The following TTC28 variants were observed in gnomAD, a reference collection of about 807,000 sequenced individuals.
TTC28 encodes the protein tetratricopeptide repeat protein 28.
TTC28 carries 61 observed loss-of-function variants against 198.0 expected under a neutral mutation model. That is an observed-to-expected ratio of 0.31 (90% CI 0.25 to 0.38). The LOEUF is 0.38. Among genes scored for constraint, TTC28 ranks in the 10% least tolerant of loss-of-function variants. The pLI is 1.00. For missense variants in TTC28, 2,678 were observed against 3,164.0 expected, an observed-to-expected ratio of 0.85 and a Z score of 3.69; for synonymous variants, 1,171 against 1,297.8, an observed-to-expected ratio of 0.90 and a Z score of 2.10.
chr22:28,460,542 GTA>G (rs41564112), intron 2 of TTC28, among the ~76,000 whole-genome samples: 14 of 149,402 alleles, frequency 9.4e-5, no homozygotes, highest in Non-Finnish European at 1.9e-4. Context: ...TATCTAATAT[GTA>G]TATATATATA....
At chr22:28,638,111 C>A (rs186941496) in intron 1 of TTC28, among the ~76,000 whole-genome samples, 168 of 152,230 alleles carry the variant, frequency 1.1e-3, no homozygotes, top group African/African-American at 3.8e-3. Context: ...ATAGTGGGAA[C>A]TTCAATATGC....
At chr22:28,627,730 G>A (rs908973963) in intron 2 of TTC28, among the ~76,000 whole-genome samples, 1 of 151,862 alleles carries the variant, frequency 6.6e-6, no homozygotes, top group Admixed American at 6.6e-5. Flanking sequence ...ACCGTGCCCA[G>A]CCCATATACA....
chr22:28,347,828 G>T (rs555926893), intron 2 of TTC28, among the ~76,000 whole-genome samples: 1 of 152,332 alleles, frequency 6.6e-6, no homozygotes, highest in South Asian at 2.1e-4. Context: ...ACAGTGAGCC[G>T]AGATCGTGCC....
chr22:28,016,920 T>C (rs742547), intron 13 of TTC28, among the ~76,000 whole-genome samples: 1 of 152,024 alleles, frequency 6.6e-6, no homozygotes, highest in South Asian at 2.1e-4. Flanking sequence ...CTGGGCAGGG[T>C]ACCCCTACTG....
At chr22:28,089,971 G>A (rs1447151781) in intron 12 of TTC28, among the ~76,000 whole-genome samples, 5 of 151,896 alleles carry the variant, frequency 3.3e-5, no homozygotes, top group African/African-American at 4.8e-5. Flanking sequence ...TTGTGGGGTG[G>A]TGGGAGGGGA....
chr22:28,068,615 G>A (rs1248122552), intron 12 of TTC28, among the ~76,000 whole-genome samples: 1 of 152,126 alleles, frequency 6.6e-6, no homozygotes, highest in Non-Finnish European at 1.5e-5. Flanking sequence ...ACAGATCCAA[G>A]TCTGTTTCAA....
chr22:28,055,504 TAGA>T (rs1421957432), intron 12 of TTC28, among the ~76,000 whole-genome samples: 6 of 152,086 alleles, frequency 3.9e-5, no homozygotes, highest in African/African-American at 9.7e-5. Flanking sequence ...TTTAGATGAA[TAGA>T]AGAAAAGAAG....
At chr22:28,102,690 A>G (rs1942188579) in intron 8 of TTC28, among the ~76,000 whole-genome samples, 1 of 152,192 alleles carries the variant, frequency 6.6e-6, no homozygotes, top group South Asian at 2.1e-4. Context: ...GGCCTGTGCA[A>G]TTTCAGGCTT....
At chr22:28,369,712 T>C (rs147070367) in intron 2 of TTC28, among the ~76,000 whole-genome samples, 151 of 152,276 alleles carry the variant, frequency 9.9e-4, no homozygotes, top group African/African-American at 3.5e-3. Context: ...GTAAACAAAA[T>C]CTAGAGAACA....
intron 12 of TTC28, among the ~76,000 whole-genome samples, chr22:28,049,026 T>C (rs892567084): frequency 6.6e-6 from 1 of 152,126 alleles, no homozygotes; most frequent in African/African-American, 2.4e-5. Flanking sequence ...ATCCAGACCA[T>C]AAGGAGCCTT....
intron 12 of TTC28, among the ~76,000 whole-genome samples, chr22:28,091,571 C>T (rs1221525037): frequency 6.6e-6 from 1 of 152,068 alleles, no homozygotes; most frequent in Non-Finnish European, 1.5e-5. Context: ...CGGCAGTGCC[C>T]ATTTCTAATA....
chr22:28,045,340 A>G (rs1939821584), intron 12 of TTC28, among the ~76,000 whole-genome samples: 1 of 152,182 alleles, frequency 6.6e-6, no homozygotes. Context: ...TGACGCTGTG[A>G]AAGTTTTGGA....
intron 2 of TTC28, among the ~76,000 whole-genome samples, chr22:28,467,921 C>G (rs1297281891): frequency 6.6e-6 from 1 of 151,960 alleles, no homozygotes; most frequent in Admixed American, 6.6e-5. Flanking sequence ...GCCACTGCGC[C>G]CGGCTAATTT....
chr22:28,169,677 T>A (rs1004753583), intron 5 of TTC28, among the ~76,000 whole-genome samples: 1 of 151,890 alleles, frequency 6.6e-6, no homozygotes, highest in Non-Finnish European at 1.5e-5. Context: ...TTGTGGGTTG[T>A]GGGGAGCGGG....
intron 2 of TTC28, among the ~76,000 whole-genome samples, chr22:28,440,258 T>G (rs2047597775): frequency 4.6e-5 from 7 of 152,202 alleles, no homozygotes; most frequent in Admixed American, 3.9e-4. Flanking sequence ...TCTAGAAGAC[T>G]GGGACCTAAG....
At position 28,392,395 on chromosome 22, in the gene TTC28, G is replaced by T. The variant is rs2046742103; in HGVS notation, c.382-85752C>A. Reference sequence around the variant, plus strand: ...CCAGTTCGAGCTTCTGGGCTGCTTTGTTTACCTAAGCAAGCCTGGGCAATG... The same window carrying T: ...CCAGTTCGAGCTTCTGGGCTGCTTTTTTTACCTAAGCAAGCCTGGGCAATG... On this transcript the variant is annotated intron_variant, in intron 2 of 22. Coordinates refer to ENST00000397906, the MANE Select transcript of TTC28 (RefSeq NM_001145418.2). 2.0e-5 allele frequency among the ~76,000 whole-genome samples: 3 copies of T among 152,326 alleles called. No homozygotes were observed. The South Asian group carries it at 6.2e-4, about 32-fold the overall frequency.
intron 2 of TTC28, among the ~76,000 whole-genome samples, chr22:28,527,819 G>A (rs1253229121): frequency 6.6e-6 from 1 of 152,088 alleles, no homozygotes; most frequent in African/African-American, 2.4e-5. Context: ...TTTTTGTAGA[G>A]ATGGGGTCTC....
chr22:27,984,656 A>G (rs1047882027), intron 22 of TTC28, among the ~76,000 whole-genome samples: 1 of 152,204 alleles, frequency 6.6e-6, no homozygotes, highest in Non-Finnish European at 1.5e-5. Flanking sequence ...TGTGTCCCAG[A>G]TGGAACTCAA....
intron 6 of TTC28, among the ~76,000 whole-genome samples, chr22:28,151,353 C>T (rs1943604442): frequency 6.6e-6 from 1 of 152,194 alleles, no homozygotes; most frequent in Middle Eastern, 3.2e-3. Flanking sequence ...GCTGGAGACA[C>T]AACTATGGGA....
Sources: allele counts gnomAD v4.1 joint callset (sites outside exome capture counted in the v4.1 genomes callset), GRCh38; gene constraint gnomAD v4.1.1; transcripts MANE v1.5; gene names NCBI Gene and HGNC (gene_info 2026-07-23, HGNC 2026-07-21).